Variants in DSP observed in about 807,000 individuals in gnomAD.
The protein encoded by DSP is desmoplakin, also known as 250/210 kDa paraneoplastic pemphigus antigen.
Under a neutral mutation model 290.6 loss-of-function variants are expected in DSP, and 114 were observed. The ratio of observed to expected loss-of-function variants is 0.39; its 90% CI spans 0.34 to 0.46. The LOEUF is 0.46. DSP is among the 20% of genes least tolerant of loss of function. The probability of loss-of-function intolerance (pLI) is 0.99; values close to 1 mark genes in which losing one functional copy is unlikely to be tolerated. For synonymous variants in DSP, 1,311 were observed against 1,316.4 expected (o/e 1.00, Z 0.09); for missense variants, 3,230 against 3,495.8 (o/e 0.92, Z 1.92).
At position 7,578,482 on chromosome 6, in the gene DSP, C is replaced by A. The variant is rs772551736; in HGVS notation, c.3004C>A (p.Arg1002=). The change falls in exon 22 of 24, where the codon CGG becomes AGG. Residue 1002 remains arginine, a synonymous_variant. Transcript: ENST00000379802. ...ILQEAADVHA[R]YIELLTRSGD... The stretch of plus-strand genomic sequence containing the variant: ...CTCCAAGGCTGCAGATGTTCATGCT[C>A]GGTACATTGAACTACTTACAAGATC... 6.2e-7 allele frequency: 1 copy of A among 1,613,338 alleles called. No individual in the cohort carries two copies. Among genetic ancestry groups the A allele is most frequent in the South Asian group, 1.1e-5 (1 of 91,038 alleles).
rs1203600564 is a variant in DSP at position 7,552,588 on chromosome 6, A to C, written c.171-3130A>C. On this transcript the variant is annotated intron_variant, in intron 1 of 23. Coordinates refer to ENST00000379802, the MANE Select transcript of DSP (RefSeq NM_004415.4). ...GGAAAAAAAAAAAAAAAAAGAACAT[A>C]TGGAAATGGAAATCCTTTAGAAAAG... 4.0e-5 allele frequency among the ~76,000 whole-genome samples: 6 copies of C among 150,026 alleles called. No homozygotes were observed. In the East Asian group the frequency reaches 1.2e-3, roughly 29 times the overall value.
chr6:7,573,767 G>A (rs1759135366), intron 15 of DSP, among the ~76,000 whole-genome samples: 1 of 152,108 alleles, frequency 6.6e-6, no homozygotes, highest in Non-Finnish European at 1.5e-5. Flanking sequence ...GGGGAGGGAG[G>A]AGGAAATGGG....
At chr6:7,552,362 C>T (rs572407574) in intron 1 of DSP, among the ~76,000 whole-genome samples, 1 of 151,532 alleles carries the variant, frequency 6.6e-6, no homozygotes, top group African/African-American at 2.4e-5. Context: ...TTGAGACCAG[C>T]CTGACCAACA....
At position 7,569,255 on chromosome 6, in the gene DSP, G is replaced by A. The variant is rs1435667455; in HGVS notation, c.1489G>A (p.Gly497Ser). The A allele has an allele frequency of 6.2e-7, 1 of 1,614,202 alleles. No homozygotes were observed. The highest frequency in any genetic ancestry group is 8.5e-7 in the Non-Finnish European group (1 of 1,180,034). The change falls in exon 12 of 24, where the codon GGC (glycine) becomes AGC (serine). Residue 497 changes from glycine (G) to serine (S), a missense_variant. Coordinates refer to ENST00000379802, the MANE Select transcript of DSP (RefSeq NM_004415.4). ...NNERSKWYVTGPGGVDMLVPS... is the reference protein window; with the variant it reads ...NNERSKWYVTSPGGVDMLVPS... ...CGAGCGCAGCAAGTGGTACGTGACG[G>A]GCCCGGGAGGCGTTGACATGCTTGT...
In DSP at chr6:7,574,703, G is replaced by T. The variant is rs2113684062; in HGVS notation, c.2344G>T (p.Asp782Tyr). 3 of 1,614,122 alleles carry T rather than the reference G, an allele frequency of 1.9e-6. No homozygotes were observed. Among genetic ancestry groups the T allele is most frequent in the Non-Finnish European group, 2.5e-6 (3 of 1,180,020 alleles). ...ALLQAILQTE[D>Y]MLKVYEARLT... ...GCTCCAGGCTATTCTCCAAACAGAA[G>T]ACATGTTAAAGGTTTATGAAGCCAG... Residue 782 changes from aspartate (D) to tyrosine (Y), a missense_variant, in exon 17 of 24, where the codon GAC becomes TAC. Around this residue, in one of 5 missense-constraint regions of DSP, gnomAD observed 1,714 missense variants for 1,844.5 expected, o/e 0.93. Transcript: ENST00000379802.
In DSP at chr6:7,565,348, C is replaced by T. The variant is rs766022259; in HGVS notation, c.778-11C>T. 5.0e-6 allele frequency: 8 copies of T among 1,613,860 alleles called. No homozygotes were observed. In the Admixed American group the frequency reaches 1.0e-4, roughly 20 times the overall value. ...TGTTATTTTAATGCTGCCTTTGAAC[C>T]TCCTGTGCAGAAAGCGTCCTTTGAG... On this transcript the variant is annotated splice_polypyrimidine_tract_variant and intron_variant, in intron 6 of 23. Coordinates refer to ENST00000379802, the MANE Select transcript of DSP (RefSeq NM_004415.4). The surrounding 1 kb of genome is among the most constrained non-coding windows in gnomAD (Gnocchi z 4.2).
In DSP at chr6:7,565,966, C is replaced by T; in HGVS notation, c.940-411C>T. The T allele has an allele frequency of 6.1e-6, 2 of 326,502 alleles. No homozygotes were observed. The highest frequency in any genetic ancestry group is 1.2e-5 in the Non-Finnish European group (2 of 172,844). 20.2% of individuals were successfully genotyped at this position (326,502 alleles called of 1,614,324 possible). On this transcript the variant is annotated intron_variant, in intron 7 of 23. Coordinates refer to ENST00000379802, the MANE Select transcript of DSP (RefSeq NM_004415.4). This position sits in a 1 kb window ranked among gnomAD's most constrained non-coding sequence, Gnocchi z 4.2. ...TGTGTAACAAACCTGCACATGTATC[C>T]CTGAACTTAAAATAAAAGTTAAAAA...
intron 1 of DSP, 27 bp from the exon 2 acceptor site, chr6:7,555,691 C>T (rs375339659): frequency 6.2e-7 from 1 of 1,602,790 alleles, no homozygotes; most frequent in Non-Finnish European, 8.5e-7. Context: ...TATTTGATGT[C>T]TGGTTTCTCT....
chr6:7,562,589 G>GT, intron 4 of DSP, 63 bp from the exon 5 acceptor site: 2 of 1,610,810 alleles, frequency 1.2e-6, no homozygotes, highest in South Asian at 2.2e-5. Context: ...GATGGTGTGC[G>GT]TAAGTGAAAC....
In DSP at chr6:7,583,276, C is replaced by T. The variant is rs749925817; in HGVS notation, c.6014C>T (p.Ala2005Val). ...LKGKKSVEEV[A>V]SEIQPFLRGA... ...GGGAAGAAGTCAGTGGAAGAAGTTG[C>T]TTCTGAAATCCAGCCATTCCTTCGG... The change falls in exon 24 of 24, where the codon GCT (alanine) becomes GTT (valine). Residue 2005 changes from alanine to valine, a missense_variant. Physicochemically the swap from Ala to Val is moderately conservative, Grantham distance 64 (BLOSUM62 0). This residue lies in a region of DSP where 1,714 missense variants were observed against 1,844.5 expected (regional missense o/e 0.93). Coordinates refer to ENST00000379802, the MANE Select transcript of DSP (RefSeq NM_004415.4). This position sits in a 1 kb window ranked among gnomAD's most constrained non-coding sequence, Gnocchi z 4.0. The T allele has an allele frequency of 7.4e-6, 12 of 1,614,086 alleles. No individual in the cohort carries two copies. Among genetic ancestry groups the T allele is most frequent in the Admixed American group, 1.7e-5 (1 of 60,012 alleles).
chr6:7,563,727 G>A lies in DSP; in HGVS notation c.727-9G>A, dbSNP rs1248169157. 6.2e-7 allele frequency: 1 copy of A among 1,612,394 alleles called. No individual in the cohort carries two copies. The highest frequency in any genetic ancestry group is 8.5e-7 in the Non-Finnish European group (1 of 1,178,428). On this transcript the variant is annotated splice_polypyrimidine_tract_variant and intron_variant, in intron 5 of 23. Coordinates refer to ENST00000379802, the MANE Select transcript of DSP (RefSeq NM_004415.4). Reference sequence around the variant, plus strand: ...GATTTATATCTACCTGCTTTTTGTTGTCTTCTAGCGCGAGAAATCTGCGAT... The same window carrying A: ...GATTTATATCTACCTGCTTTTTGTTATCTTCTAGCGCGAGAAATCTGCGAT...
At chr6:7,567,537 T>G in intron 9 of DSP, 88 bp downstream of exon 9, 1 of 1,300,766 alleles carries the variant, frequency 7.7e-7, no homozygotes, top group Non-Finnish European at 1.1e-6. Context: ...GAAAATAATC[T>G]TCAAAATGTT....
chr6:7,547,989 G>A (rs925697050), intron 1 of DSP, among the ~76,000 whole-genome samples: 11 of 152,036 alleles, frequency 7.2e-5, no homozygotes, highest in African/African-American at 2.4e-4. Flanking sequence ...CGAAATTTCT[G>A]CCGGGCGCGG....
intron 1 of DSP, among the ~76,000 whole-genome samples, chr6:7,554,127 C>CACACACA (rs1171658955): frequency 7.5e-4 from 18 of 23,982 alleles, no homozygotes; most frequent in East Asian, 5.7e-3. Flanking sequence ...ACACACACAC[C>CACACACA]CAGTTGGTTA....
In DSP at chr6:7,583,660, G is replaced by C; in HGVS notation, c.6398G>C (p.Gly2133Ala). The change falls in exon 24 of 24, where the codon GGT (glycine) becomes GCT (alanine). Residue 2133 changes from glycine to alanine, a missense_variant. Around this residue, in one of 5 missense-constraint regions of DSP, gnomAD observed 1,714 missense variants for 1,844.5 expected, o/e 0.93. Transcript: ENST00000379802. The surrounding 1 kb of genome is among the most constrained non-coding windows in gnomAD (Gnocchi z 4.0). Reference sequence around the variant, plus strand: ...CTGGAAGCCCAGATTGCTTCAGGGGGTGTAGTAGACCCTGTGAACAGTGTC... The same window carrying C: ...CTGGAAGCCCAGATTGCTTCAGGGGCTGTAGTAGACCCTGTGAACAGTGTC... ...RLLEAQIASG[G>A]VVDPVNSVFL... is the part of the protein sequence containing the mutation. The C allele has an allele frequency of 6.2e-7, 1 of 1,614,124 alleles. No individual in the cohort carries two copies. Among genetic ancestry groups the C allele is most frequent in the South Asian group, 1.1e-5 (1 of 91,076 alleles).
intron 18 of DSP, among the ~76,000 whole-genome samples, chr6:7,575,949 T>C (rs1161607207): frequency 6.6e-6 from 1 of 152,258 alleles, no homozygotes; most frequent in Non-Finnish European, 1.5e-5. Flanking sequence ...TGTAGTCCAT[T>C]GTGACTGGCT....
intron 1 of DSP, among the ~76,000 whole-genome samples, chr6:7,547,873 C>A (rs1581783957): frequency 6.6e-6 from 1 of 152,124 alleles, no homozygotes; most frequent in African/African-American, 2.4e-5. Context: ...ATACCCAATC[C>A]ATTTCTTCCT....
At position 7,555,401 on chromosome 6, in the gene DSP, G is replaced by GTTTA. The variant is rs60579295; in HGVS notation, c.171-315_171-314insTATT. 0.32 allele frequency among the ~76,000 whole-genome samples: 49,065 copies of GTTTA among 151,830 alleles called. 8,114 individuals carry two copies. Among genetic ancestry groups the GTTTA allele is most frequent in the Non-Finnish European group, 0.37 (25,008 of 67,898 alleles). On this transcript the variant is annotated intron_variant, in intron 1 of 23. Transcript: ENST00000379802. ...AGATATTTGGGGGTTAAAAAGCCAT[G>GTTTA]TTCTCAAATGATTCAGAAAAAAATA...
chr6:7,581,075 A>G lies in DSP; in HGVS notation c.4885A>G (p.Ser1629Gly). ...GCAGGCATCCATTGTTAAGAAGAGGAGTGAGGATGACCTCCGGCAGCAGAG... is the reference window on the plus strand; with the variant it reads ...GCAGGCATCCATTGTTAAGAAGAGGGGTGAGGATGACCTCCGGCAGCAGAG... ...LEQASIVKKR[S>G]EDDLRQQRDV... Residue 1629 changes from serine (S) to glycine (G), a missense_variant, in exon 23 of 24, where the codon AGT (serine) becomes GGT (glycine). This residue lies in a region of DSP where 1,714 missense variants were observed against 1,844.5 expected (regional missense o/e 0.93). Coordinates refer to ENST00000379802, the MANE Select transcript of DSP (RefSeq NM_004415.4). The G allele has an allele frequency of 6.2e-7, 1 of 1,614,058 alleles. No individual in the cohort carries two copies. Among genetic ancestry groups the G allele is most frequent in the African/African-American group, 1.3e-5 (1 of 75,056 alleles).
Sources: allele counts gnomAD v4.1 joint callset (sites outside exome capture counted in the v4.1 genomes callset), GRCh38; gene constraint gnomAD v4.1.1; regional missense constraint gnomAD v4.1.1; non-coding constraint Gnocchi (gnomAD v3.1); transcripts MANE v1.5; gene names NCBI Gene and HGNC (gene_info 2026-07-23, HGNC 2026-07-21).